Variants in APOH observed in about 807,000 individuals in gnomAD.
The protein encoded by APOH is beta-2-glycoprotein 1.
In APOH, 48 loss-of-function variants were observed where a neutral mutation model predicts 39.8. That is an observed-to-expected ratio of 1.21 (90% CI 0.96 to 1.54). The LOEUF is 1.54. Among genes scored for constraint, APOH ranks in the 40% most tolerant of loss-of-function variants. APOH has a pLI of 0.00. For synonymous variants in APOH, 153 were observed against 151.1 expected (o/e 1.01, Z -0.09); for missense variants, 415 against 421.2 (o/e 0.99, Z 0.13).
At chr17:66,225,953 C>A in intron 3 of APOH, 75 bp downstream of exon 3, 2 of 954,832 alleles carry the variant, frequency 2.1e-6, no homozygotes, top group East Asian at 2.6e-5. Context: ...AAATATAGAC[C>A]AGTCTTGATG....
chr17:66,222,822 C>T (rs113260804), intron 4 of APOH, among the ~76,000 whole-genome samples: 5 of 152,134 alleles, frequency 3.3e-5, no homozygotes, highest in African/African-American at 4.8e-5. Context: ...CCACCCTCCT[C>T]GGACTCCCAA....
At chr17:66,223,888 G>C in intron 3 of APOH, 114 bp from the exon 4 acceptor site, 4 of 898,140 alleles carry the variant, frequency 4.5e-6, no homozygotes, top group Non-Finnish European at 7.0e-6. Context: ...CTTTTCCATC[G>C]TATAATGCTG....
chr17:66,228,525 G>T, intron 1 of APOH: 1 of 206,214 alleles, frequency 4.8e-6, no homozygotes, highest in South Asian at 9.3e-5. Context: ...TTATCAGCTG[G>T]GCGCAGTTGC....
rs1304800153 is a variant in APOH, at chr17:66,212,145, T to C, written c.1026A>G (p.Val342=). Reference sequence around the variant, plus strand: ...TCTGAAAACCACCTTAGCATGGCTTTACATCGGATGCATCAGTTTTCCAAA... The same window carrying C: ...TCTGAAAACCACCTTAGCATGGCTTCACATCGGATGCATCAGTTTTCCAAA... ...LAFWKTDASD[V]KPC is the part of the protein sequence containing the mutation. The change falls in exon 8 of 8, where the codon GTA becomes GTG. Residue 342 remains valine, a synonymous_variant. Transcript: ENST00000205948. The C allele has an allele frequency of 1.2e-6, 2 of 1,613,932 alleles. No homozygotes were observed. The highest frequency in any genetic ancestry group is 1.7e-6 in the Non-Finnish European group (2 of 1,179,804).
At chr17:66,214,724 A>C (rs1197865255) in intron 6 of APOH, 74 bp from the exon 7 acceptor site, 1 of 1,301,160 alleles carries the variant, frequency 7.7e-7, no homozygotes, top group Non-Finnish European at 1.1e-6. Flanking sequence ...TAGCATTTGA[A>C]ACAGTAGATG....
intron 5 of APOH, among the ~76,000 whole-genome samples, chr17:66,220,344 C>T (rs1271891123): frequency 6.6e-6 from 1 of 152,198 alleles, no homozygotes; most frequent in African/African-American, 2.4e-5. Flanking sequence ...CAGTTAATTG[C>T]ATTATTTATA....
Position 66,227,808 on chromosome 17 carries a change from C to T in APOH, c.241+212G>A, listed in dbSNP as rs146978100. ...TTTTTAAACCTACCCTAGTTTCAGG[C>T]TATGATCTTCTCCTCTTCTATCAAT... On this transcript the variant is annotated intron_variant, in intron 2 of 7. Transcript: ENST00000205948. Among the ~76,000 whole-genome samples, 3 of 152,292 alleles carry T rather than the reference C, an allele frequency of 2.0e-5. No individual in the cohort carries two copies. The East Asian group carries it at 5.8e-4, about 29-fold the overall frequency.
chr17:66,220,894 A>C, intron 4 of APOH, 152 bp from the exon 5 acceptor site: 1 of 818,352 alleles, frequency 1.2e-6, no homozygotes, highest in Admixed American at 3.0e-5. Flanking sequence ...GTGGATGCCT[A>C]ATAGGAAAAT....
At chr17:66,227,161 G>A (rs1034216555) in intron 2 of APOH, among the ~76,000 whole-genome samples, 7 of 152,152 alleles carry the variant, frequency 4.6e-5, no homozygotes, top group African/African-American at 1.7e-4. Flanking sequence ...TGGGATTACA[G>A]GTGTGAGCCA....
At position 66,217,353 on chromosome 17, in the gene APOH, C is replaced by A. The variant is rs532647226; in HGVS notation, c.605-386G>T. On this transcript the variant is annotated intron_variant, in intron 5 of 7. Coordinates refer to ENST00000205948, the MANE Select transcript of APOH (RefSeq NM_000042.3). ...AAAATGCAAAGACTGAACCCCCCCC[C>A]CCATTCACACTTAGTACACCATTAT... Among the ~76,000 whole-genome samples the A allele has an allele frequency of 7.9e-4, 115 of 145,314 alleles. 4 individuals carry two copies. Among genetic ancestry groups the A allele is most frequent in the African/African-American group, 2.8e-3 (112 of 39,854 alleles).
chr17:66,214,642 T>C lies in APOH; in HGVS notation c.793A>G (p.Lys265Glu), dbSNP rs1297789608. 3.7e-6 allele frequency: 6 copies of C among 1,611,256 alleles called. No homozygotes were observed. The highest frequency in any genetic ancestry group is 5.1e-6 in the Non-Finnish European group (6 of 1,178,544). The stretch of plus-strand genomic sequence containing the variant: ...ACAGTGGCTTTTTTCACAGGTACTT[T>C]ACAAGATGCTGAAAGAGAGAATACT... ...SAMPSCKASC[K>E]VPVKKATVVY... Residue 265 changes from lysine (K) to glutamate (E), a missense_variant, in exon 7 of 8, where the codon AAA becomes GAA. By Grantham distance (56) the Lys-to-Glu change is moderately conservative (BLOSUM62 1). Coordinates refer to ENST00000205948, the MANE Select transcript of APOH (RefSeq NM_000042.3).
At chr17:66,217,718 A>T (rs182924554) in intron 5 of APOH, among the ~76,000 whole-genome samples, 84 of 152,200 alleles carry the variant, frequency 5.5e-4, no homozygotes, top group African/African-American at 1.9e-3. Context: ...TGGGAGGCTG[A>T]GGTGGATGCT....
Position 66,220,656 on chromosome 17 carries a change from C to T in APOH, c.502G>A (p.Asp168Asn). Residue 168 changes from aspartate to asparagine, a missense_variant, in exon 5 of 8, where the codon GAC becomes AAC. By Grantham distance (23) the Asp-to-Asn change is conservative (BLOSUM62 1). This residue lies in a region of APOH where 288 missense variants were observed against 284.9 expected (regional missense o/e 1.01). Coordinates refer to ENST00000205948, the MANE Select transcript of APOH (RefSeq NM_000042.3). ...PSAGNNSLYR[D>N]TAVFECLPQH... The stretch of plus-strand genomic sequence containing the variant: ...GGCAAACATTCAAAAACTGCTGTGT[C>T]CCGATAGAGGGAATTGTTTCCAGCT... The T allele has an allele frequency of 6.2e-7, 1 of 1,614,084 alleles. No homozygotes were observed. The highest frequency in any genetic ancestry group is 1.7e-5 in the Admixed American group (1 of 59,994).
chr17:66,224,691 G>GGAAAGAAAA (rs1256405440), intron 3 of APOH, among the ~76,000 whole-genome samples: 1 of 32,896 alleles, frequency 3.0e-5, no homozygotes, highest in Non-Finnish European at 7.1e-5. Flanking sequence ...GGGAAGGGAA[G>GGAAAGAAAA]GGAAAGGAAA....
intron 5 of APOH, 40 bp downstream of exon 5, chr17:66,220,514 T>A (rs181708627): frequency 1.3e-6 from 2 of 1,585,724 alleles, no homozygotes; most frequent in Non-Finnish European, 1.7e-6. Context: ...AAATGGGATC[T>A]TGCCCTACCA....
At chr17:66,217,032 T>G in intron 5 of APOH, 65 bp from the exon 6 acceptor site, 1 of 1,323,100 alleles carries the variant, frequency 7.6e-7, no homozygotes, top group Non-Finnish European at 1.0e-6. Context: ...CATGAAATAG[T>G]TACATCCTTG....
At chr17:66,216,698 G>T in intron 6 of APOH, 90 bp downstream of exon 6, 1 of 1,333,120 alleles carries the variant, frequency 7.5e-7, no homozygotes, top group Non-Finnish European at 1.0e-6. Context: ...AGCAACAAGT[G>T]GAAAAGTGTT....
intron 5 of APOH, among the ~76,000 whole-genome samples, chr17:66,219,668 C>T (rs758103901): frequency 6.6e-6 from 1 of 152,130 alleles, no homozygotes; most frequent in Non-Finnish European, 1.5e-5. Flanking sequence ...CCTGTAAGCC[C>T]AGCACTTTGA....
chr17:66,218,494 A>G (rs941020024), intron 5 of APOH, among the ~76,000 whole-genome samples: 2 of 152,044 alleles, frequency 1.3e-5, no homozygotes, highest in African/African-American at 2.4e-5. Context: ...TTTTTAGTAG[A>G]GACGGGGTTT....
Sources: allele counts gnomAD v4.1 joint callset (sites outside exome capture counted in the v4.1 genomes callset), GRCh38; gene constraint gnomAD v4.1.1; regional missense constraint gnomAD v4.1.1; transcripts MANE v1.5; gene names NCBI Gene and HGNC (gene_info 2026-07-23, HGNC 2026-07-21).